DTNA: variants seen among roughly 807,000 people sequenced by gnomAD.
DTNA encodes dystrobrevin alpha.
Under a neutral mutation model 100.7 loss-of-function variants are expected in DTNA, and 43 were observed. The ratio of observed to expected loss-of-function variants is 0.43; its 90% confidence interval spans 0.33 to 0.55. DTNA has a LOEUF of 0.55. Among genes scored for constraint, DTNA ranks in the 20% least tolerant of loss-of-function variants. DTNA has a pLI of 0.04. For synonymous variants in DTNA, 349 were observed against 347.9 expected (o/e 1.00, Z -0.04); for missense variants, 798 against 953.9 (o/e 0.84, Z 2.15).
intron 17 of DTNA, among the ~76,000 whole-genome samples, chr18:34,869,881 C>T (rs1191095488): frequency 2.6e-5 from 4 of 152,052 alleles, no homozygotes; most frequent in Non-Finnish European, 5.9e-5. Flanking sequence ...ATTAGCCGGG[C>T]GTGGTGGCAG....
At chr18:34,739,448 C>A (rs548465980) in intron 1 of DTNA, among the ~76,000 whole-genome samples, 1 of 152,206 alleles carries the variant, frequency 6.6e-6, no homozygotes, top group African/African-American at 2.4e-5. Context: ...TATTAATGGA[C>A]CTTGGGGAAT....
At chr18:34,578,674 C>T (rs2048343680) in intron 1 of DTNA, among the ~76,000 whole-genome samples, 1 of 152,122 alleles carries the variant, frequency 6.6e-6, no homozygotes, top group African/African-American at 2.4e-5. Context: ...TAGTTTCACT[C>T]TTCTACATGT....
intron 1 of DTNA, among the ~76,000 whole-genome samples, chr18:34,636,897 C>T (rs1213569176): frequency 6.6e-6 from 1 of 152,076 alleles, no homozygotes; most frequent in African/African-American, 2.4e-5. Context: ...AATCTGTTTG[C>T]TGACAGTTTT....
chr18:34,627,935 A>AT (rs934367681), intron 1 of DTNA, among the ~76,000 whole-genome samples: 5 of 151,788 alleles, frequency 3.3e-5, no homozygotes, highest in African/African-American at 7.3e-5. Flanking sequence ...CTGTATGCTA[A>AT]TTTTTTTTGT....
chr18:34,832,991 A>G (rs2096053798), intron 11 of DTNA, among the ~76,000 whole-genome samples: 1 of 152,180 alleles, frequency 6.6e-6, no homozygotes, highest in Non-Finnish European at 1.5e-5. Context: ...TAATAATTTA[A>G]GAATCAATAG....
At chr18:34,722,169 C>A (rs1269267745) in intron 1 of DTNA, among the ~76,000 whole-genome samples, 1 of 151,954 alleles carries the variant, frequency 6.6e-6, no homozygotes, top group East Asian at 1.9e-4. Context: ...ATCTGAGATT[C>A]TTTTGATTAG....
At chr18:34,781,770 GTATAGA>G in intron 3 of DTNA, among the ~76,000 whole-genome samples, 1 of 152,274 alleles carries the variant, frequency 6.6e-6, no homozygotes, top group Non-Finnish European at 1.5e-5. Context: ...ACAGAGAATT[GTATAGA>G]TATATAGTAC....
At chr18:34,675,883 C>T (rs2077340284) in intron 1 of DTNA, among the ~76,000 whole-genome samples, 1 of 152,122 alleles carries the variant, frequency 6.6e-6, no homozygotes, top group Non-Finnish European at 1.5e-5. Context: ...AAGTTCCTGC[C>T]TTTGTGGAGC....
intron 11 of DTNA, among the ~76,000 whole-genome samples, chr18:34,832,953 CACAAATCCAAATGTCAT>C (rs1281612659): frequency 6.6e-6 from 1 of 152,092 alleles, no homozygotes; most frequent in Non-Finnish European, 1.5e-5. Context: ...AGTCATTCTT[CACAAATCCAAATGTCAT>C]ACAAGCTTAT....
At chr18:34,531,191 T>G (rs1294663757) in intron 1 of DTNA, among the ~76,000 whole-genome samples, 1 of 152,126 alleles carries the variant, frequency 6.6e-6, no homozygotes, top group Non-Finnish European at 1.5e-5. Context: ...ATACATTCTG[T>G]GTTTTAACCC....
chr18:34,678,074 A>G (rs1290246181), intron 1 of DTNA, among the ~76,000 whole-genome samples: 1 of 152,142 alleles, frequency 6.6e-6, no homozygotes, highest in Non-Finnish European at 1.5e-5. Flanking sequence ...GCAAAGGGGG[A>G]AAAGCCCCTA....
chr18:34,510,263 G>C (rs1466339813), intron 1 of DTNA, among the ~76,000 whole-genome samples: 2 of 151,648 alleles, frequency 1.3e-5, no homozygotes, highest in African/African-American at 2.4e-5. Flanking sequence ...AAATTTATCT[G>C]TTCTCTCCAT....
At chr18:34,494,731 A>G (rs2038994787) in intron 1 of DTNA, among the ~76,000 whole-genome samples, 1 of 152,084 alleles carries the variant, frequency 6.6e-6, no homozygotes, top group South Asian at 2.1e-4. Context: ...CATGCTTTAC[A>G]TTTATTCTTA....
At chr18:34,879,482 A>G in intron 19 of DTNA, 69 bp from the exon 20 acceptor site, 1 of 1,501,684 alleles carries the variant, frequency 6.7e-7, no homozygotes, top group South Asian at 1.1e-5. Context: ...TGTGAAGCCT[A>G]CTCCTTTATT....
intron 1 of DTNA, among the ~76,000 whole-genome samples, chr18:34,618,565 G>A (rs533959525): frequency 1.6e-4 from 24 of 152,142 alleles, no homozygotes; most frequent in Non-Finnish European, 2.6e-4. Flanking sequence ...GTTCCTTTCT[G>A]CCTATGTCAT....
intron 1 of DTNA, among the ~76,000 whole-genome samples, chr18:34,517,601 C>T (rs1226500741): frequency 6.6e-6 from 1 of 151,850 alleles, no homozygotes; most frequent in African/African-American, 2.4e-5. Flanking sequence ...CATTTCTCTT[C>T]CCCTCTCCAT....
chr18:34,883,349 T>C (rs962953427), intron 21 of DTNA, among the ~76,000 whole-genome samples: 1 of 152,134 alleles, frequency 6.6e-6, no homozygotes, highest in Non-Finnish European at 1.5e-5. Flanking sequence ...TCTCATTCTG[T>C]TGCCCAGGCT....
intron 1 of DTNA, among the ~76,000 whole-genome samples, chr18:34,636,879 A>T (rs2058724113): frequency 6.6e-6 from 1 of 152,218 alleles, no homozygotes; most frequent in African/African-American, 2.4e-5. Flanking sequence ...GGTTAAAATG[A>T]ATTTAGTAAT....
chr18:34,714,422 A>G (rs1336381828), intron 1 of DTNA, among the ~76,000 whole-genome samples: 1 of 149,278 alleles, frequency 6.7e-6, no homozygotes, highest in Non-Finnish European at 1.5e-5. Context: ...AAGTGGGCAA[A>G]GGACATGAAC....
Sources: allele counts gnomAD v4.1 joint callset (sites outside exome capture counted in the v4.1 genomes callset), GRCh38; gene constraint gnomAD v4.1.1; transcripts MANE v1.5; gene names NCBI Gene and HGNC (gene_info 2026-07-23, HGNC 2026-07-21).